BTBD8: variants seen among roughly 807,000 people sequenced by gnomAD.
BTBD8 encodes BTB domain containing 8.
BTBD8 carries 110 observed loss-of-function variants against 162.9 expected under a neutral mutation model. The observed-to-expected ratio is 0.68, with a 90% CI of 0.58 to 0.79. The LOEUF is 0.79. BTBD8 is among the 30% of genes least tolerant of loss of function. The pLI, the probability that BTBD8 is intolerant of heterozygous loss-of-function variation, is 0.00. For missense variants in BTBD8, 1,905 were observed against 2,085.4 expected (o/e 0.91, Z 1.68); for synonymous variants, 667 against 716.1 (o/e 0.93, Z 1.10).
At chr1:92,084,130 C>T (rs192085237) in intron 1 of BTBD8, among the ~76,000 whole-genome samples, 6 of 152,240 alleles carry the variant, frequency 3.9e-5, no homozygotes, top group African/African-American at 1.4e-4. Context: ...AATTTTATTA[C>T]GTAAATATAT....
chr1:92,145,310 G>A (rs922999109), intron 7 of BTBD8, among the ~76,000 whole-genome samples: 5 of 152,018 alleles, frequency 3.3e-5, no homozygotes, highest in African/African-American at 1.2e-4. Context: ...TAGGAGAGGG[G>A]TATTAGAAAA....
Position 92,102,617 on chromosome 1 carries a change from G to T in BTBD8, c.492G>T (p.Lys164Asn). The T allele has an allele frequency of 6.4e-7, 1 of 1,560,210 alleles. No individual in the cohort carries two copies. The highest frequency in any genetic ancestry group is 8.7e-7 in the Non-Finnish European group (1 of 1,155,568). ...CENSSDCSLQ[K>N]HEIPEDISDR... ...ACTCATCTGATTGTTCTCTTCAGAA[G>T]CATGAAATTCCAGAGGATATCAGTG... The change falls in exon 3 of 18, where the codon AAG becomes AAT. Residue 164 changes from lysine to asparagine, a missense_variant. Coordinates refer to ENST00000636805, the MANE Select transcript of BTBD8 (RefSeq NM_001376131.1).
intron 9 of BTBD8, among the ~76,000 whole-genome samples, chr1:92,153,336 A>G (rs1281043687): frequency 1.3e-5 from 2 of 152,252 alleles, no homozygotes; most frequent in East Asian, 3.9e-4. Flanking sequence ...CATTAGTATT[A>G]CTTTCTATAT....
At chr1:92,174,036 A>G (rs1453427621) in intron 13 of BTBD8, among the ~76,000 whole-genome samples, 1 of 152,206 alleles carries the variant, frequency 6.6e-6, no homozygotes, top group East Asian at 1.9e-4. Context: ...ATACTTAAGG[A>G]TAAAATATAT....
intron 3 of BTBD8, among the ~76,000 whole-genome samples, chr1:92,105,103 T>G (rs374795043): frequency 3.9e-5 from 6 of 152,076 alleles, no homozygotes; most frequent in African/African-American, 1.2e-4. Context: ...TGGCTAATTT[T>G]TTATATTTTT....
chr1:92,105,319 C>T (rs953576829), intron 3 of BTBD8, among the ~76,000 whole-genome samples: 3 of 151,930 alleles, frequency 2.0e-5, no homozygotes, highest in African/African-American at 4.8e-5. Flanking sequence ...GTGTCATGAT[C>T]GCAGCTCACT....
intron 4 of BTBD8, chr1:92,126,134 A>G (rs754972992): frequency 8.1e-6 from 4 of 496,328 alleles, no homozygotes; most frequent in Non-Finnish European, 1.2e-5. Flanking sequence ...TAGCTGATAC[A>G]TGGGAACCAG....
chr1:92,091,922 C>G (rs888512352), intron 2 of BTBD8, among the ~76,000 whole-genome samples: 1 of 152,108 alleles, frequency 6.6e-6, no homozygotes, highest in Non-Finnish European at 1.5e-5. Flanking sequence ...TTCTTTTCCT[C>G]GGATTGTCTG....
chr1:92,138,557 T>C (rs575805), intron 5 of BTBD8, among the ~76,000 whole-genome samples: 113,891 of 152,190 alleles, frequency 0.75, 44,013 homozygotes, highest in East Asian at 0.97. Flanking sequence ...TTCTCCATCA[T>C]CTCTTCCCAC....
At chr1:92,160,325 G>A (rs1363104551) in intron 9 of BTBD8, among the ~76,000 whole-genome samples, 1 of 151,964 alleles carries the variant, frequency 6.6e-6, no homozygotes, top group Non-Finnish European at 1.5e-5. Flanking sequence ...AATTCTCTGT[G>A]AGCTAAATCA....
chr1:92,128,968 A>G (rs1649437102), intron 4 of BTBD8, among the ~76,000 whole-genome samples: 1 of 151,968 alleles, frequency 6.6e-6, no homozygotes, highest in Non-Finnish European at 1.5e-5. Context: ...CTAAGTATGA[A>G]GTGTAAATCT....
At chr1:92,098,687 T>G (rs1321786005) in intron 2 of BTBD8, among the ~76,000 whole-genome samples, 1 of 152,212 alleles carries the variant, frequency 6.6e-6, no homozygotes, top group Non-Finnish European at 1.5e-5. Context: ...TAGGTAATGA[T>G]CTTGAGCAAT....
intron 13 of BTBD8, among the ~76,000 whole-genome samples, chr1:92,175,368 A>G (rs187826122): frequency 0.01 from 1,477 of 140,948 alleles, 11 homozygotes; most frequent in Non-Finnish European, 0.016. Context: ...AGTCCCAGCT[A>G]CTCGGGAGGC....
intron 4 of BTBD8, among the ~76,000 whole-genome samples, chr1:92,124,201 C>G (rs1413968211): frequency 6.6e-6 from 1 of 152,212 alleles, no homozygotes; most frequent in Non-Finnish European, 1.5e-5. Context: ...TGTCTCATAA[C>G]TTGTGTAACT....
chr1:92,090,102 C>T (rs538748713), intron 2 of BTBD8, among the ~76,000 whole-genome samples: 36 of 152,194 alleles, frequency 2.4e-4, no homozygotes, highest in African/African-American at 8.2e-4. Flanking sequence ...TGCTATAATA[C>T]GTATATACAA....
Position 92,093,318 on chromosome 1 carries a change from G to A in BTBD8, c.347+4423G>A, listed in dbSNP as rs542474024. 6.0e-5 allele frequency among the ~76,000 whole-genome samples: 9 copies of A among 149,852 alleles called. No homozygotes were observed. The South Asian group carries it at 1.3e-3, about 21-fold the overall frequency. ...AGCAATTCTCCAGCCTCAGCCTCTT[G>A]AGTAGCTGGGATTACAGGCATGTGT... On this transcript the variant is annotated intron_variant, in intron 2 of 17. Transcript: ENST00000636805.
chr1:92,118,806 T>TTTC (rs1649113592), intron 4 of BTBD8, among the ~76,000 whole-genome samples: 1 of 145,848 alleles, frequency 6.9e-6, no homozygotes, highest in African/African-American at 2.6e-5. Flanking sequence ...TTTCTTTCTT[T>TTTC]TTTTTTTTTT....
chr1:92,112,393 A>T (rs957083851), intron 4 of BTBD8, among the ~76,000 whole-genome samples: 10 of 152,034 alleles, frequency 6.6e-5, no homozygotes, highest in African/African-American at 2.4e-4. Context: ...ACAGAACAAG[A>T]CCCTGTCTCA....
At position 92,129,779 on chromosome 1, in the gene BTBD8, A is replaced by G. The variant is rs779125391; in HGVS notation, c.752+3A>G. On this transcript the variant is annotated splice_donor_region_variant and intron_variant, in intron 5 of 17. Coordinates refer to ENST00000636805, the MANE Select transcript of BTBD8 (RefSeq NM_001376131.1). Reference sequence around the variant, plus strand: ...CAAGAGTACGTTACTCTTCAAGGGTAAGCATATTTTTACAGGGCCATTTGA... The same window carrying G: ...CAAGAGTACGTTACTCTTCAAGGGTGAGCATATTTTTACAGGGCCATTTGA... 5 of 1,611,560 alleles carry G rather than the reference A, an allele frequency of 3.1e-6. No individual in the cohort carries two copies. In the South Asian group the frequency reaches 5.5e-5, roughly 18 times the overall value.
Sources: gnomAD v4.1 joint callset for allele counts (sites outside exome capture counted in the v4.1 genomes callset) on GRCh38, gnomAD v4.1.1 for gene constraint, MANE v1.5 for transcripts, NCBI Gene and HGNC (gene_info 2026-07-23, HGNC 2026-07-21) for gene names.